Variants in LRRC8B observed in about 807,000 individuals in gnomAD.
LRRC8B encodes leucine rich repeat containing 8 VRAC subunit B, also known as volume-regulated anion channel subunit LRRC8B.
In LRRC8B, 23 loss-of-function variants were observed where a neutral mutation model predicts 58.8. The ratio of observed to expected loss-of-function variants is 0.39; its 90% CI spans 0.28 to 0.55. The LOEUF (loss-of-function observed/expected upper bound fraction) is 0.55. Ranked by LOEUF, LRRC8B falls within the 20% of genes least tolerant of loss-of-function variation. The pLI is 0.62. For missense variants in LRRC8B, 694 were observed against 936.0 expected (o/e 0.74, Z 3.37); for synonymous variants, 359 against 374.1 (o/e 0.96, Z 0.47).
At chr1:89,571,193 G>T (rs533395177) in intron 3 of LRRC8B, among the ~76,000 whole-genome samples, 1 of 152,246 alleles carries the variant, frequency 6.6e-6, no homozygotes, top group East Asian at 1.9e-4. Flanking sequence ...TGGCTGTGCA[G>T]GTTCTTTTTT....
intron 1 of LRRC8B, among the ~76,000 whole-genome samples, chr1:89,539,434 T>A (rs1650785939): frequency 6.6e-6 from 1 of 152,228 alleles, no homozygotes; most frequent in African/African-American, 2.4e-5. Flanking sequence ...TCTTCACTGA[T>A]GATAGAACTG....
intron 1 of LRRC8B, among the ~76,000 whole-genome samples, chr1:89,556,059 T>G (rs112076439): frequency 3.5e-4 from 54 of 152,292 alleles, no homozygotes; most frequent in African/African-American, 1.3e-3. Flanking sequence ...ACCATGTGAT[T>G]CCAGCATTGG....
intron 1 of LRRC8B, among the ~76,000 whole-genome samples, chr1:89,552,241 A>T (rs1265962911): frequency 2.6e-5 from 4 of 152,220 alleles, no homozygotes; most frequent in Non-Finnish European, 4.4e-5. Context: ...AAAATTAAAA[A>T]TAAGTATAAA....
intron 1 of LRRC8B, among the ~76,000 whole-genome samples, chr1:89,563,169 T>A (rs960513642): frequency 6.6e-6 from 1 of 151,802 alleles, no homozygotes; most frequent in African/African-American, 2.4e-5. Flanking sequence ...TTTTGTGGTT[T>A]TATATATATA....
rs1255883079 is a variant in LRRC8B at position 89,596,574 on chromosome 1, T to C, written c.*3531T>C. ...AACCATTAAAATAATCAAACAATTA[T>C]TCTGTGCCCTTAACATTATTTTCTT... On this transcript the variant is annotated 3_prime_UTR_variant, in exon 6 of 6. Coordinates refer to ENST00000330947, the MANE Select transcript of LRRC8B (RefSeq NM_001369817.2). 6.6e-6 allele frequency: 1 copy of C among 152,186 alleles called. No individual in the cohort carries two copies. The highest frequency in any genetic ancestry group is 1.5e-5 in the Non-Finnish European group (1 of 67,998). The allele number at this position is 152,186 out of a possible 1,614,324, so 9.4% of individuals were successfully genotyped here. A position where few individuals can be genotyped will look rare whatever the true frequency, so the allele number is the denominator to read the frequency against.
chr1:89,573,996 A>G (rs1653655399), intron 3 of LRRC8B, among the ~76,000 whole-genome samples: 1 of 152,242 alleles, frequency 6.6e-6, no homozygotes, highest in East Asian at 1.9e-4. Flanking sequence ...GCTGGGCCTT[A>G]AGAGACTTGT....
chr1:89,532,347 CA>C (rs1650203366), intron 1 of LRRC8B, among the ~76,000 whole-genome samples: 1 of 152,150 alleles, frequency 6.6e-6, no homozygotes, highest in African/African-American at 2.4e-5. Flanking sequence ...GTAAACGTGC[CA>C]AAACCGCTGC....
chr1:89,526,219 C>T (rs1316587025), intron 1 of LRRC8B, among the ~76,000 whole-genome samples: 5 of 152,074 alleles, frequency 3.3e-5, no homozygotes, highest in African/African-American at 7.2e-5. Context: ...TGTTTTGTTT[C>T]TTTGTTTTGT....
chr1:89,534,570 G>A (rs969345698), intron 1 of LRRC8B, among the ~76,000 whole-genome samples: 2 of 152,024 alleles, frequency 1.3e-5, no homozygotes, highest in Non-Finnish European at 2.9e-5. Flanking sequence ...AAAAGTGCTT[G>A]TGACAATAAG....
At chr1:89,561,324 C>T in intron 1 of LRRC8B, among the ~76,000 whole-genome samples, 1 of 139,012 alleles carries the variant, frequency 7.2e-6, no homozygotes, top group African/African-American at 2.6e-5. Context: ...AAATTTTCTC[C>T]CATGTTGTAG....
chr1:89,556,765 G>A (rs1349334123), intron 1 of LRRC8B, among the ~76,000 whole-genome samples: 2 of 152,134 alleles, frequency 1.3e-5, no homozygotes, highest in Non-Finnish European at 2.9e-5. Context: ...CAAATATGAA[G>A]CATTAATTTA....
rs773391594 is a variant in LRRC8B, at chr1:89,583,274, C to T, written c.624C>T (p.Tyr208=). ...DIDSGKQSLP[Y]PQPGLESAGI... ...ATTCCGGCAAACAGTCATTGCCCTA[C>T]CCACAGCCAGGTTTGGAGTCAGCTG... Residue 208 remains tyrosine (Y), a synonymous_variant, in exon 5 of 6, where the codon TAC becomes TAT. Coordinates refer to ENST00000330947, the MANE Select transcript of LRRC8B (RefSeq NM_001369817.2). The surrounding 1 kb of genome is among the most constrained non-coding windows in gnomAD (Gnocchi z 5.2). 1.4e-5 allele frequency: 22 copies of T among 1,614,076 alleles called. No individual in the cohort carries two copies. In the Middle Eastern group the frequency reaches 4.9e-4, roughly 36 times the overall value.
chr1:89,538,040 C>G (rs549482422), intron 1 of LRRC8B, among the ~76,000 whole-genome samples: 1 of 152,142 alleles, frequency 6.6e-6, no homozygotes, highest in Non-Finnish European at 1.5e-5. Context: ...AGAGTAAAAC[C>G]TCCCCAAGTA....
At chr1:89,562,029 T>C (rs1429295656) in intron 1 of LRRC8B, among the ~76,000 whole-genome samples, 19 of 152,094 alleles carry the variant, frequency 1.2e-4, no homozygotes, top group Non-Finnish European at 2.8e-4. Context: ...ATTACGAAAG[T>C]CTCAGGGATA....
chr1:89,575,086 A>C (rs1653744897), intron 3 of LRRC8B, among the ~76,000 whole-genome samples: 2 of 152,172 alleles, frequency 1.3e-5, no homozygotes, highest in Admixed American at 6.5e-5. Flanking sequence ...GGGCTTGGGA[A>C]AGGGTTTAGT....
In LRRC8B at chr1:89,524,891, C is replaced by A. The variant is rs1448532396; in HGVS notation, c.-372C>A. The A allele has an allele frequency of 1.3e-5, 2 of 152,366 alleles. No individual in the cohort carries two copies. The highest frequency in any genetic ancestry group is 4.8e-5 in the African/African-American group (2 of 41,572). 9.4% of individuals were successfully genotyped at this position (152,366 alleles called of 1,614,324 possible). A position where few individuals can be genotyped will look rare whatever the true frequency, so the allele number is the denominator to read the frequency against. ...GTCGGAGGCGGCGAGCCGGACAGCG[C>A]CGGGGCTTCCCGCTGAGCCCGCAGC... On this transcript the variant is annotated 5_prime_UTR_variant, in exon 1 of 6. Transcript: ENST00000330947.
intron 1 of LRRC8B, among the ~76,000 whole-genome samples, chr1:89,525,444 G>GC (rs1649606099): frequency 6.6e-6 from 1 of 152,242 alleles, no homozygotes; most frequent in Non-Finnish European, 1.5e-5. Context: ...CCCTGAGGGT[G>GC]CCCCCATTTG....
intron 1 of LRRC8B, among the ~76,000 whole-genome samples, chr1:89,554,045 A>G (rs961381722): frequency 1.3e-5 from 2 of 152,178 alleles, no homozygotes; most frequent in African/African-American, 2.4e-5. Context: ...TAAAGCAATA[A>G]TTTCTCAGGT....
chr1:89,542,709 C>T (rs1651105435), intron 1 of LRRC8B, among the ~76,000 whole-genome samples: 1 of 152,208 alleles, frequency 6.6e-6, no homozygotes, highest in Non-Finnish European at 1.5e-5. Context: ...TGGAGAAAAT[C>T]TCATGGGGTT....
Sources: allele counts gnomAD v4.1 joint callset (sites outside exome capture counted in the v4.1 genomes callset), GRCh38; gene constraint gnomAD v4.1.1; non-coding constraint Gnocchi (gnomAD v3.1); transcripts MANE v1.5; gene names NCBI Gene and HGNC (gene_info 2026-07-23, HGNC 2026-07-21).